NIBAN1: variants seen among roughly 807,000 people sequenced by gnomAD.
The protein encoded by NIBAN1 is protein Niban 1.
Under a neutral mutation model 75.1 loss-of-function variants are expected in NIBAN1, and 81 were observed. The ratio of observed to expected loss-of-function variants is 1.08; its 90% CI spans 0.90 to 1.30. The LOEUF is 1.30. Ranked by LOEUF, NIBAN1 falls within the 50% of genes most tolerant of loss-of-function variation. NIBAN1 has a pLI of 0.00. For synonymous variants in NIBAN1, 436 were observed against 424.8 expected (o/e 1.03, Z -0.32); for missense variants, 1,133 against 1,128.1 (o/e 1.00, Z -0.06).
intron 4 of NIBAN1, among the ~76,000 whole-genome samples, chr1:184,888,864 A>G (rs771151949): frequency 2.0e-5 from 3 of 152,262 alleles, no homozygotes; most frequent in African/African-American, 7.2e-5. Flanking sequence ...TAATATGCAT[A>G]GTGCACATAA....
rs529033917 is a variant in NIBAN1, at chr1:184,824,700, T to A, written c.718-958A>T. Among the ~76,000 whole-genome samples, 265 of 152,326 alleles carry A rather than the reference T, an allele frequency of 1.7e-3. 1 individual carries two copies. The highest frequency in any genetic ancestry group is 2.9e-3 in the Non-Finnish European group (199 of 68,040). On this transcript the variant is annotated intron_variant, in intron 6 of 13. Transcript: ENST00000367511. ...TACAATTGGAAATACTATTTTTTTTTAAATGGAGTTTTATAAAAATGTAGA... is the reference window on the plus strand; with the variant it reads ...TACAATTGGAAATACTATTTTTTTTAAAATGGAGTTTTATAAAAATGTAGA...
chr1:184,842,984 C>G (rs969092434), intron 5 of NIBAN1, among the ~76,000 whole-genome samples: 1 of 152,166 alleles, frequency 6.6e-6, no homozygotes, highest in Non-Finnish European at 1.5e-5. Flanking sequence ...TGACCTTGTT[C>G]CCTCCTTAGC....
chr1:184,945,333 A>G (rs1658194303), intron 1 of NIBAN1, among the ~76,000 whole-genome samples: 3 of 116,820 alleles, frequency 2.6e-5, no homozygotes, highest in Admixed American at 9.2e-5. Context: ...CCCTCCACTC[A>G]TCCAAGGCTT....
chr1:184,814,152 A>AAAC, intron 9 of NIBAN1, among the ~76,000 whole-genome samples: 1 of 152,334 alleles, frequency 6.6e-6, no homozygotes, highest in Middle Eastern at 3.4e-3. Flanking sequence ...TAAAAAATTA[A>AAAC]CTGTAAGAGA....
In NIBAN1 at chr1:184,818,788, C is replaced by T. The variant is rs747958678; in HGVS notation, c.1023G>A (p.Glu341=). 1 of 1,604,166 alleles carries T rather than the reference C, an allele frequency of 6.2e-7. No homozygotes were observed. Among genetic ancestry groups the T allele is most frequent in the Admixed American group, 1.7e-5 (1 of 58,782 alleles). Residue 341 remains glutamate (E), a synonymous_variant, in exon 9 of 14, where the codon GAG becomes GAA. Coordinates refer to ENST00000367511, the MANE Select transcript of NIBAN1 (RefSeq NM_052966.4). ...TGGATGCCAGGAATGGCTGCACACT[C>T]TCCAAGCAGCTTTTCTCCGCCGGCT... ...VAQPAEKSCL[E]SVQPFLASIL...
chr1:184,947,691 T>C (rs1658265486), intron 1 of NIBAN1, among the ~76,000 whole-genome samples: 1 of 152,172 alleles, frequency 6.6e-6, no homozygotes, highest in South Asian at 2.1e-4. Flanking sequence ...GAGAGCTGGC[T>C]GGGCCTAGGC....
chr1:184,910,393 C>T (rs1440411719), intron 1 of NIBAN1, among the ~76,000 whole-genome samples: 1 of 152,068 alleles, frequency 6.6e-6, no homozygotes, highest in Non-Finnish European at 1.5e-5. Context: ...ATCGTCCTTT[C>T]CAATGCTCTC....
intron 1 of NIBAN1, among the ~76,000 whole-genome samples, chr1:184,899,836 G>A (rs149736327): frequency 4.3e-5 from 5 of 115,208 alleles, no homozygotes; most frequent in Admixed American, 1.1e-4. Flanking sequence ...TTTTTCTTGA[G>A]ACAGAGTGTC....
intron 5 of NIBAN1, among the ~76,000 whole-genome samples, chr1:184,842,715 T>TTGTTAG (rs1159020066): frequency 2.3e-4 from 34 of 150,858 alleles, no homozygotes; most frequent in African/African-American, 7.8e-4. Context: ...ATTGTGCCTT[T>TTGTTAG]GCACGATCGT....
At chr1:184,896,259 G>A (rs577680181) in intron 2 of NIBAN1, among the ~76,000 whole-genome samples, 1 of 152,092 alleles carries the variant, frequency 6.6e-6, no homozygotes, top group Non-Finnish European at 1.5e-5. Context: ...TCTTACTGCT[G>A]TAAGATGATA....
intron 1 of NIBAN1, among the ~76,000 whole-genome samples, chr1:184,904,988 G>A (rs1427276395): frequency 2.0e-5 from 3 of 152,020 alleles, no homozygotes; most frequent in Non-Finnish European, 2.9e-5. Context: ...CAGCATCACA[G>A]CAGAGACAGA....
rs117461347 is a variant in NIBAN1 at position 184,796,780 on chromosome 1, C to A, written c.1667-683G>T. On this transcript the variant is annotated intron_variant, in intron 13 of 13. Coordinates refer to ENST00000367511, the MANE Select transcript of NIBAN1 (RefSeq NM_052966.4). ...CAAAGACAGAACAGATTTGTGTATT[C>A]GGCATAACTTTTCAGCATCTAGCTG... 5.3e-5 allele frequency among the ~76,000 whole-genome samples: 8 copies of A among 152,308 alleles called. No individual in the cohort carries two copies. The East Asian group carries it at 1.5e-3, about 29-fold the overall frequency.
At chr1:184,836,756 T>C (rs902036532) in intron 5 of NIBAN1, among the ~76,000 whole-genome samples, 6 of 152,238 alleles carry the variant, frequency 3.9e-5, no homozygotes, top group Non-Finnish European at 7.3e-5. Flanking sequence ...ATCTGAATTC[T>C]GGACTCTACC....
chr1:184,822,577 A>G (rs1241270852), intron 8 of NIBAN1, among the ~76,000 whole-genome samples: 1 of 152,140 alleles, frequency 6.6e-6, no homozygotes, highest in Non-Finnish European at 1.5e-5. Flanking sequence ...TCAGAGGAGG[A>G]CACTGAGCTA....
At chr1:184,851,619 A>C (rs1482841280) in intron 5 of NIBAN1, among the ~76,000 whole-genome samples, 1 of 21,108 alleles carries the variant, frequency 4.7e-5, no homozygotes, top group Admixed American at 6.0e-4. Flanking sequence ...CCTAAAACTT[A>C]GAGTATAATA....
At chr1:184,866,290 C>T (rs928332407) in intron 5 of NIBAN1, among the ~76,000 whole-genome samples, 2 of 152,074 alleles carry the variant, frequency 1.3e-5, no homozygotes, top group African/African-American at 4.8e-5. Context: ...CTTTCACCTA[C>T]CTGAAAGATT....
intron 1 of NIBAN1, among the ~76,000 whole-genome samples, chr1:184,914,216 T>G (rs988407923): frequency 6.6e-6 from 1 of 152,234 alleles, no homozygotes; most frequent in South Asian, 2.1e-4. Context: ...GTATTAATTA[T>G]ATGACTTTGG....
At position 184,793,833 on chromosome 1, in the gene NIBAN1, T is replaced by C. The variant is rs1266401851; in HGVS notation, c.*1144A>G. 6.6e-6 allele frequency: 1 copy of C among 152,226 alleles called. No homozygotes were observed. The highest frequency in any genetic ancestry group is 1.5e-5 in the Non-Finnish European group (1 of 68,040). 9.4% of individuals were successfully genotyped at this position (152,226 alleles called of 1,614,324 possible). A position where few individuals can be genotyped will look rare whatever the true frequency, so the allele number is the denominator to read the frequency against. ...CATGGTATCCCCAGTGCTTGGTATA[T>C]AACAGAGACTCAATTAGCTTGCTGA... On this transcript the variant is annotated 3_prime_UTR_variant, in exon 14 of 14. Transcript: ENST00000367511.
At chr1:184,958,583 G>A (rs1658550243) in intron 1 of NIBAN1, among the ~76,000 whole-genome samples, 1 of 152,136 alleles carries the variant, frequency 6.6e-6, no homozygotes, top group Non-Finnish European at 1.5e-5. Flanking sequence ...AGAATTTCTG[G>A]AAGAGCATTT....
Sources: allele counts gnomAD v4.1 joint callset (sites outside exome capture counted in the v4.1 genomes callset), GRCh38; gene constraint gnomAD v4.1.1; transcripts MANE v1.5; gene names NCBI Gene and HGNC (gene_info 2026-07-23, HGNC 2026-07-21).